Variants in GSDME observed in about 807,000 individuals in gnomAD.
GSDME encodes the protein gasdermin E.
GSDME carries 44 observed loss-of-function variants against 47.5 expected under a neutral mutation model. The observed-to-expected ratio is 0.93, with a 90% CI of 0.73 to 1.19. The LOEUF (loss-of-function observed/expected upper bound fraction) is 1.19. Among genes scored for constraint, GSDME ranks in the 50% most tolerant of loss-of-function variants. The pLI is 0.00. For missense variants in GSDME, 663 were observed against 604.2 expected, an observed-to-expected ratio of 1.10 and a Z score of -1.02; for synonymous variants, 258 against 252.8, an observed-to-expected ratio of 1.02 and a Z score of -0.20.
At chr7:24,738,466 G>C (rs1790380147) in intron 3 of GSDME, among the ~76,000 whole-genome samples, 1 of 152,046 alleles carries the variant, frequency 6.6e-6, no homozygotes, top group African/African-American at 2.4e-5. Context: ...GAAAGAAATT[G>C]AAGAGGACAC....
chr7:24,737,772 A>T (rs1584093943), intron 3 of GSDME, among the ~76,000 whole-genome samples: 1 of 152,176 alleles, frequency 6.6e-6, no homozygotes. Flanking sequence ...ACAATACATT[A>T]AAAAGATAAT....
At chr7:24,749,942 A>C (rs1790803361) in intron 1 of GSDME, 149 bp from the exon 2 acceptor site, 1 of 625,104 alleles carries the variant, frequency 1.6e-6, no homozygotes, top group African/African-American at 1.8e-5. Context: ...ACTTTAGCTG[A>C]TAATAAAGAA....
the GSDME span, among the ~76,000 whole-genome samples, chr7:24,794,130 T>A: frequency 6.6e-6 from 1 of 150,872 alleles, no homozygotes; most frequent in Non-Finnish European, 1.5e-5. Flanking sequence ...TTTTCTTAAC[T>A]ACTTGTATAT....
rs2023793 is a variant in GSDME at position 24,719,444 on chromosome 7, G to A, written c.405-226C>T. ...CCTCTGGGGGCCAGGCTAGATGCCA[G>A]AGGGAAGGGGGCTTTCAGTCAAACA... On this transcript the variant is annotated intron_variant, in intron 3 of 9. Coordinates refer to ENST00000645220, the MANE Select transcript of GSDME (RefSeq NM_001127453.2). Among the ~76,000 whole-genome samples, 86,883 of 152,012 alleles carry A rather than the reference G, an allele frequency of 0.57. 27,287 individuals carry two copies. Among genetic ancestry groups the A allele is most frequent in the East Asian group, 0.99 (5,114 of 5,168 alleles).
Position 24,721,753 on chromosome 7 carries a change from C to G in GSDME, c.405-2535G>C, listed in dbSNP as rs1789796618. Among the ~76,000 whole-genome samples, 2 of 152,192 alleles carry G rather than the reference C, an allele frequency of 1.3e-5. No homozygotes were observed. Among genetic ancestry groups the G allele is most frequent in the Non-Finnish European group, 2.9e-5 (2 of 68,032 alleles). ...ATCAGAGGTACGTTTCCACATCACT[C>G]CCTTCTTAAAAGCCTTCAATGGCTA... On this transcript the variant is annotated intron_variant, in intron 3 of 9. Coordinates refer to ENST00000645220, the MANE Select transcript of GSDME (RefSeq NM_001127453.2). This position sits in a 1 kb window ranked among gnomAD's most constrained non-coding sequence, Gnocchi z 4.1.
At chr7:24,789,889 G>A in the GSDME span, among the ~76,000 whole-genome samples, 3 of 152,190 alleles carry the variant, frequency 2.0e-5, no homozygotes, top group Non-Finnish European at 4.4e-5. Context: ...TAGCGATGAA[G>A]GTTTTTTATC....
chr7:24,758,327 T>C (rs1419300065), upstream of GSDME, among the ~76,000 whole-genome samples: 1 of 152,198 alleles, frequency 6.6e-6, no homozygotes, highest in African/African-American at 2.4e-5. The surrounding 1 kb of genome is among the most constrained non-coding windows in gnomAD (Gnocchi z 4.6). Flanking sequence ...CCTGACCCGC[T>C]CCCAGGTCCA....
rs541034250 is a variant in GSDME, at chr7:24,735,233, T to C, written c.404+9329A>G. 1.1e-4 allele frequency among the ~76,000 whole-genome samples: 16 copies of C among 152,120 alleles called. No homozygotes were observed. The highest frequency in any genetic ancestry group is 2.1e-4 in the Non-Finnish European group (14 of 68,028). Reference sequence around the variant, plus strand: ...AAACATGAAGGAGAAACATAGACTTTCTCAAAGAAAAGCTGAAGGACTTCA... The same window carrying C: ...AAACATGAAGGAGAAACATAGACTTCCTCAAAGAAAAGCTGAAGGACTTCA... On this transcript the variant is annotated intron_variant, in intron 3 of 9. Transcript: ENST00000645220. This position sits in a 1 kb window ranked among gnomAD's most constrained non-coding sequence, Gnocchi z 4.4.
In GSDME at chr7:24,702,857, C is replaced by CA. The variant is rs1788929808; in HGVS notation, c.1184-25dup. The CA allele has an allele frequency of 3.1e-6, 5 of 1,608,132 alleles. No homozygotes were observed. The East Asian group carries it at 1.1e-4, about 36-fold the overall frequency. On this transcript the variant is annotated intron_variant, in intron 8 of 9. Transcript: ENST00000645220. The stretch of plus-strand genomic sequence containing the variant: ...TTCTGCAGGAGAGAAAAATCACAGT[C>CA]ACAGTCCAAAAAAACAAGTCCATGG...
intron 5 of GSDME, 190 bp downstream of exon 5, chr7:24,717,064 C>A: frequency 3.0e-6 from 2 of 660,318 alleles, no homozygotes; most frequent in Non-Finnish European, 2.6e-6. Flanking sequence ...GCATCCCTCA[C>A]CACACCCCTC....
Position 24,739,221 on chromosome 7 carries a change from T to C in GSDME, c.404+5341A>G, listed in dbSNP as rs557782594. Among the ~76,000 whole-genome samples, 10 of 152,172 alleles carry C rather than the reference T, an allele frequency of 6.6e-5. No homozygotes were observed. Among genetic ancestry groups the C allele is most frequent in the Non-Finnish European group, 1.3e-4 (9 of 68,018 alleles). On this transcript the variant is annotated intron_variant, in intron 3 of 9. Transcript: ENST00000645220. This position sits in a 1 kb window ranked among gnomAD's most constrained non-coding sequence, Gnocchi z 5.1. The stretch of plus-strand genomic sequence containing the variant: ...AGAATGGGATAAAATATTTTTACAC[T>C]ACCCATGTGACAAGAGATTAATAAC...
chr7:24,777,976 T>C, the GSDME span, among the ~76,000 whole-genome samples: 1 of 151,716 alleles, frequency 6.6e-6, no homozygotes, highest in East Asian at 1.9e-4. Context: ...TATTGTGCCC[T>C]TGAATCCACT....
rs758960158 is a variant in GSDME, at chr7:24,708,213, G to C, written c.904C>G (p.Leu302Val). 1.9e-6 allele frequency: 3 copies of C among 1,614,154 alleles called. No individual in the cohort carries two copies. Among genetic ancestry groups the C allele is most frequent in the East Asian group, 4.5e-5 (2 of 44,880 alleles). The change falls in exon 7 of 10, where the codon CTG (leucine) becomes GTG (valine). Residue 302 changes from leucine (L) to valine (V), a missense_variant. By Grantham distance (32) the Leu-to-Val change is conservative (BLOSUM62 1). Coordinates refer to ENST00000645220, the MANE Select transcript of GSDME (RefSeq NM_001127453.2). ...LERNFHPFAE[L>V]PEPQQTALSD... ...AAAGCTGTCTGTTGTGGCTCAGGCA[G>C]CTCCGCAAATGGATGGAAATTCCTC...
At chr7:24,783,474 C>G in the GSDME span, among the ~76,000 whole-genome samples, 100 of 152,356 alleles carry the variant, frequency 6.6e-4, 1 homozygote, top group East Asian at 5.8e-4. Context: ...GACACCGAGG[C>G]TCAGAATAGC....
chr7:24,698,744 C>T lies in GSDME; in HGVS notation c.*282G>A. 2 of 454,996 alleles carry T rather than the reference C, an allele frequency of 4.4e-6. No homozygotes were observed. The highest frequency in any genetic ancestry group is 8.1e-6 in the Non-Finnish European group (2 of 246,638). 28.2% of individuals were successfully genotyped at this position (454,996 alleles called of 1,614,324 possible). A position where few individuals can be genotyped will look rare whatever the true frequency, so the allele number is the denominator to read the frequency against. ...TGGACTTATTATTGTGCAGAAAAAA[C>T]GTCTGAATGTATGCTAAGAATTCTC... On this transcript the variant is annotated 3_prime_UTR_variant, in exon 10 of 10. Coordinates refer to ENST00000645220, the MANE Select transcript of GSDME (RefSeq NM_001127453.2).
At chr7:24,790,285 G>C in the GSDME span, among the ~76,000 whole-genome samples, 1 of 152,172 alleles carries the variant, frequency 6.6e-6, no homozygotes, top group Non-Finnish European at 1.5e-5. The surrounding 1 kb of genome is among the most constrained non-coding windows in gnomAD (Gnocchi z 4.1). Context: ...CATATGATTT[G>C]GGTGAGCATG....
Position 24,726,550 on chromosome 7 carries a change from G to A in GSDME, c.405-7332C>T, listed in dbSNP as rs973095358. 1.3e-5 allele frequency among the ~76,000 whole-genome samples: 2 copies of A among 152,210 alleles called. No homozygotes were observed. Among genetic ancestry groups the A allele is most frequent in the Admixed American group, 6.5e-5 (1 of 15,288 alleles). ...TGATAGTAACAATGGTAGGCCGGGC[G>A]CGGTGGCTCACGCCTGTTATCCCAG... is the stretch of plus-strand genomic sequence containing the variant. On this transcript the variant is annotated intron_variant, in intron 3 of 9. Coordinates refer to ENST00000645220, the MANE Select transcript of GSDME (RefSeq NM_001127453.2). This position sits in a 1 kb window ranked among gnomAD's most constrained non-coding sequence, Gnocchi z 5.6.
chr7:24,788,743 G>A, the GSDME span, among the ~76,000 whole-genome samples: 1 of 152,138 alleles, frequency 6.6e-6, no homozygotes, highest in Admixed American at 6.5e-5. This position sits in a 1 kb window ranked among gnomAD's most constrained non-coding sequence, Gnocchi z 4.6. Flanking sequence ...ACCTTAGGAT[G>A]TCTCAGTACC....
chr7:24,750,367 A>C (rs1271252175), intron 1 of GSDME, among the ~76,000 whole-genome samples: 1 of 152,250 alleles, frequency 6.6e-6, no homozygotes, highest in Non-Finnish European at 1.5e-5. Flanking sequence ...CTGTAATCCC[A>C]GCATTTTGGG....
Sources: allele counts gnomAD v4.1 joint callset (sites outside exome capture counted in the v4.1 genomes callset), GRCh38; gene constraint gnomAD v4.1.1; non-coding constraint Gnocchi (gnomAD v3.1); transcripts MANE v1.5; gene names NCBI Gene and HGNC (gene_info 2026-07-23, HGNC 2026-07-21).